The following TLN2 variants were observed in gnomAD, a reference collection of about 807,000 sequenced individuals.
TLN2 encodes talin 2.
A neutral mutation model predicts 294.7 loss-of-function variants in TLN2; 118 were observed. The ratio of observed to expected loss-of-function variants is 0.40; its 90% CI spans 0.34 to 0.47. The LOEUF (loss-of-function observed/expected upper bound fraction) is 0.47. Ranked by LOEUF, TLN2 falls within the 20% of genes least tolerant of loss-of-function variation. TLN2 has a pLI of 0.84. For missense variants in TLN2, 3,083 were observed against 3,282.2 expected (o/e 0.94, Z 1.48); for synonymous variants, 1,431 against 1,304.5 (o/e 1.10, Z -2.09).
intron 54 of TLN2, chr15:62,829,210 C>G (rs1409728330): frequency 6.7e-6 from 1 of 149,484 alleles, no homozygotes; most frequent in Admixed American, 6.7e-5. Context: ...TTGTTACAGG[C>G]ATTGTATTAG....
At chr15:62,831,459 T>C (rs2068835579) in intron 54 of TLN2, 1 of 151,820 alleles carries the variant, frequency 6.6e-6, no homozygotes, top group Non-Finnish European at 1.5e-5. Context: ...CTCACGGTTA[T>C]TAAAATATAC....
intron 33 of TLN2, among the ~76,000 whole-genome samples, chr15:62,749,528 C>T (rs1416975615): frequency 6.6e-6 from 1 of 152,164 alleles, no homozygotes; most frequent in Non-Finnish European, 1.5e-5. Context: ...GGAGGAGGTT[C>T]TTGAATGAAA....
intron 1 of TLN2, among the ~76,000 whole-genome samples, chr15:62,553,514 G>T (rs1299049509): frequency 6.6e-6 from 1 of 151,938 alleles, no homozygotes; most frequent in Non-Finnish European, 1.5e-5. Context: ...TGGCAAAATT[G>T]ATTCATGTTA....
chr15:62,624,271 T>C (rs1427248288), intron 3 of TLN2, among the ~76,000 whole-genome samples: 2 of 152,210 alleles, frequency 1.3e-5, no homozygotes. Context: ...TTTAGAAAAT[T>C]AGTCTTAGCT....
intron 2 of TLN2, among the ~76,000 whole-genome samples, chr15:62,614,580 T>A (rs548536246): frequency 1.3e-5 from 2 of 152,234 alleles, no homozygotes; most frequent in Non-Finnish European, 2.9e-5. Flanking sequence ...ACTTCTTCGT[T>A]GTAAAAGGAC....
chr15:62,468,744 C>CA (rs72096398), intron 1 of TLN2, among the ~76,000 whole-genome samples: 14,894 of 116,034 alleles, frequency 0.13, 913 homozygotes, highest in Middle Eastern at 0.2. Context: ...GACTCTGTCT[C>CA]AAAAAAAAAA....
Position 62,595,386 on chromosome 15 carries a change from C to T in TLN2, c.-162+5624C>T, listed in dbSNP as rs12900310. Among the ~76,000 whole-genome samples, 1,415 of 146,064 alleles carry T rather than the reference C, an allele frequency of 9.7e-3. 13 individuals are homozygous for T. The highest frequency in any genetic ancestry group is 0.014 in the Non-Finnish European group (973 of 67,272). ...AGTGAGCTGAGATCGTGCCATTGCACTCCAGCCTGGGTGCAGACTCCGTCT... is the reference window on the plus strand; with the variant it reads ...AGTGAGCTGAGATCGTGCCATTGCATTCCAGCCTGGGTGCAGACTCCGTCT... On this transcript the variant is annotated intron_variant, in intron 2 of 58. Coordinates refer to ENST00000636159, the MANE Select transcript of TLN2 (RefSeq NM_015059.3).
chr15:62,748,010 G>A (rs2061709931), intron 32 of TLN2, among the ~76,000 whole-genome samples: 2 of 151,972 alleles, frequency 1.3e-5, no homozygotes, highest in Admixed American at 1.3e-4. Flanking sequence ...AGGTGGAAGG[G>A]GAGAAAGGAG....
At chr15:62,671,486 T>A (rs1049266292) in intron 9 of TLN2, among the ~76,000 whole-genome samples, 5 of 152,202 alleles carry the variant, frequency 3.3e-5, no homozygotes, top group African/African-American at 1.2e-4. Flanking sequence ...CCAATTTCTG[T>A]CTTTTGCATG....
intron 10 of TLN2, 97 bp from the exon 11 acceptor site, chr15:62,675,120 A>T: frequency 9.2e-7 from 1 of 1,092,574 alleles, no homozygotes; most frequent in Non-Finnish European, 1.4e-6. Context: ...GATCATTCCT[A>T]GCCATTTATC....
chr15:62,586,112 C>T (rs1255915532), intron 1 of TLN2, among the ~76,000 whole-genome samples: 1 of 152,212 alleles, frequency 6.6e-6, no homozygotes, highest in Non-Finnish European at 1.5e-5. Context: ...CTGTTGCTTT[C>T]CCTAAATGCA....
chr15:62,586,831 G>T (rs1054397719), intron 1 of TLN2, among the ~76,000 whole-genome samples: 3 of 152,172 alleles, frequency 2.0e-5, no homozygotes, highest in Admixed American at 6.5e-5. Context: ...TCTTGAAATA[G>T]ATTTTTGCCT....
intron 27 of TLN2, among the ~76,000 whole-genome samples, chr15:62,725,447 G>A (rs921432368): frequency 3.3e-5 from 5 of 152,160 alleles, no homozygotes; most frequent in African/African-American, 1.2e-4. Context: ...TTAATGCAAA[G>A]CACTAGGATG....
rs527304465 is a variant in TLN2, at chr15:62,481,563, T to G, written c.-238+90878T>G. Among the ~76,000 whole-genome samples the G allele has an allele frequency of 1.2e-4, 18 of 152,200 alleles. 1 individual carries two copies. The South Asian group carries it at 3.7e-3, about 32-fold the overall frequency. Reference sequence around the variant, plus strand: ...TTTTTGTAGATACAGGGTCACACCATGATGCCCGGGTTGGTCTAGAACTCT... The same window carrying G: ...TTTTTGTAGATACAGGGTCACACCAGGATGCCCGGGTTGGTCTAGAACTCT... On this transcript the variant is annotated intron_variant, in intron 1 of 58. Coordinates refer to ENST00000636159, the MANE Select transcript of TLN2 (RefSeq NM_015059.3).
rs190382541 is a variant in TLN2, at chr15:62,679,984, G to A, written c.957+4663G>A. Reference sequence around the variant, plus strand: ...TGCATCATTTTCAAAATCTAGTTCAGCACATCTATATGGGTCTATTTCTGG... The same window carrying A: ...TGCATCATTTTCAAAATCTAGTTCAACACATCTATATGGGTCTATTTCTGG... On this transcript the variant is annotated intron_variant, in intron 11 of 58. Transcript: ENST00000636159. 2.0e-5 allele frequency among the ~76,000 whole-genome samples: 3 copies of A among 152,156 alleles called. No homozygotes were observed. The South Asian group carries it at 6.2e-4, about 32-fold the overall frequency.
chr15:62,738,656 G>C lies in TLN2; in HGVS notation c.3687+323G>C, dbSNP rs118018430. ...TGACAGTCAGGTGTTGGAAGGGTACGTGTGTCCAAGCCTCAGTGAGAGAGC... is the reference window on the plus strand; with the variant it reads ...TGACAGTCAGGTGTTGGAAGGGTACCTGTGTCCAAGCCTCAGTGAGAGAGC... On this transcript the variant is annotated intron_variant, in intron 30 of 58. Transcript: ENST00000636159. Among the ~76,000 whole-genome samples the C allele has an allele frequency of 1.8e-3, 278 of 152,266 alleles. 12 individuals carry two copies. The South Asian group carries it at 0.055, about 30-fold the overall frequency.
intron 33 of TLN2, among the ~76,000 whole-genome samples, chr15:62,748,998 A>G (rs368083599): frequency 2.6e-4 from 40 of 152,370 alleles, no homozygotes; most frequent in East Asian, 2.5e-3. Flanking sequence ...TTTTATATTC[A>G]TACTCATTTA....
Position 62,763,632 on chromosome 15 carries a change from C to G in TLN2, c.5031C>G (p.Ile1677Met), listed in dbSNP as rs148806117. 1 of 1,613,570 alleles carries G rather than the reference C, an allele frequency of 6.2e-7. No homozygotes were observed. The highest frequency in any genetic ancestry group is 1.7e-5 in the Admixed American group (1 of 60,008). ...GCATCAACCGGTGCATCCGGGACAT[C>G]GAGCAGGCCTCGCTGGCCGCCGTCA... The part of the protein sequence containing the change: ...IDGINRCIRD[I>M]EQASLAAVSQ... Residue 1677 changes from isoleucine to methionine, a missense_variant, in exon 40 of 59, where the codon ATC (isoleucine) becomes ATG (methionine). Ile to Met is a conservative substitution (Grantham distance 10). Coordinates refer to ENST00000636159, the MANE Select transcript of TLN2 (RefSeq NM_015059.3).
chr15:62,787,768 C>CT (rs1272984714), intron 45 of TLN2, among the ~76,000 whole-genome samples: 2 of 140,842 alleles, frequency 1.4e-5, no homozygotes, highest in Non-Finnish European at 3.0e-5. Flanking sequence ...TCTCGGCTCA[C>CT]TGCAACCTCC....
Sources: allele counts gnomAD v4.1 joint callset (sites outside exome capture counted in the v4.1 genomes callset), GRCh38; gene constraint gnomAD v4.1.1; transcripts MANE v1.5; gene names NCBI Gene and HGNC (gene_info 2026-07-23, HGNC 2026-07-21).